HIF3A: variants seen among roughly 807,000 people sequenced by gnomAD.
The protein encoded by HIF3A is hypoxia inducible factor 3 subunit alpha, also known as hypoxia-inducible factor 3-alpha.
HIF3A carries 41 observed loss-of-function variants against 67.2 expected under a neutral mutation model. The observed-to-expected ratio is 0.61, with a 90% confidence interval of 0.48 to 0.79. The LOEUF (loss-of-function observed/expected upper bound fraction) is 0.79, where lower values mean the gene tolerates loss of function less well. Ranked by LOEUF, HIF3A falls within the 30% of genes least tolerant of loss-of-function variation. The pLI is 0.00. For synonymous variants in HIF3A, 356 were observed against 374.8 expected (o/e 0.95, Z 0.58); for missense variants, 855 against 898.0 (o/e 0.95, Z 0.61).
Position 46,304,021 on chromosome 19 carries a change from C to T in HIF3A, c.150C>T (p.His50=). ...TLPFARGVSA[H]LDKASIMRLT... ...CCTTCGCCCGCGGCGTCAGCGCCCA[C>T]CTGGACAAGGCCTCTATCATGCGCC... The change falls in exon 2 of 15, where the codon CAC becomes CAT. Residue 50 remains histidine (H), a synonymous_variant. Transcript: ENST00000377670. 6.3e-7 allele frequency: 1 copy of T among 1,593,194 alleles called. No homozygotes were observed. The highest frequency in any genetic ancestry group is 8.5e-7 in the Non-Finnish European group (1 of 1,170,666).
chr19:46,303,753 C>T, intron 1 of HIF3A, 145 bp from the exon 2 acceptor site: 3 of 1,512,164 alleles, frequency 2.0e-6, no homozygotes, highest in Non-Finnish European at 2.7e-6. Context: ...GCCGCGAACT[C>T]GACAGGGCCA....
intron 3 of HIF3A, among the ~76,000 whole-genome samples, chr19:46,307,883 G>A (rs1391933897): frequency 6.6e-6 from 1 of 152,064 alleles, no homozygotes; most frequent in Non-Finnish European, 1.5e-5. Context: ...TCATGATCGC[G>A]CCACTGCCCC....
At chr19:46,322,953 A>C (rs1214672624) in intron 10 of HIF3A, among the ~76,000 whole-genome samples, 6 of 152,152 alleles carry the variant, frequency 3.9e-5, no homozygotes, top group African/African-American at 1.4e-4. Context: ...AAGCCCCTCC[A>C]ACCCAGTCCT....
intron 14 of HIF3A, 141 bp from the exon 15 acceptor site, chr19:46,339,384 A>G: frequency 3.5e-6 from 2 of 576,314 alleles, no homozygotes; most frequent in East Asian, 3.3e-5. Flanking sequence ...GCGCAAAAGT[A>G]AAATTACTAA....
At chr19:46,304,328 C>T (rs1233898643) in intron 2 of HIF3A, 3 of 576,732 alleles carry the variant, frequency 5.2e-6, no homozygotes, top group Non-Finnish European at 9.3e-6. Context: ...CTTGTGAGGC[C>T]CCGCCCCTGG....
intron 8 of HIF3A, among the ~76,000 whole-genome samples, chr19:46,319,645 TA>T (rs1302212710): frequency 5.9e-5 from 9 of 152,216 alleles, no homozygotes; most frequent in Non-Finnish European, 1.3e-4. Context: ...AAGACTATGT[TA>T]AAAATATATT....
intron 8 of HIF3A, among the ~76,000 whole-genome samples, chr19:46,317,903 A>G (rs1037697696): frequency 3.3e-5 from 5 of 151,882 alleles, no homozygotes; most frequent in Admixed American, 6.6e-5. Flanking sequence ...CGGTGGCACA[A>G]CCTCAGCTCA....
chr19:46,300,987 G>A (rs1032103030), intron 1 of HIF3A, among the ~76,000 whole-genome samples: 3 of 151,940 alleles, frequency 2.0e-5, no homozygotes, highest in East Asian at 1.9e-4. Context: ...CCTGTTCCCT[G>A]TCGGGCCCCC....
Position 46,340,508 on chromosome 19 carries a change from CTTT to C in HIF3A, c.*896_*898del, listed in dbSNP as rs1332468893. 4 of 148,406 alleles carry C rather than the reference CTTT, an allele frequency of 2.7e-5. No homozygotes were observed. Among genetic ancestry groups the C allele is most frequent in the Non-Finnish European group, 5.9e-5 (4 of 67,352 alleles). 9.2% of individuals were successfully genotyped at this position (148,406 alleles called of 1,614,324 possible). ...TCCTGCTCCTCTTCCTCTTCTTCTT[CTTT>C]TTTTTTTTTGACAGAGTCTTGCTCT... is the stretch of plus-strand genomic sequence containing the variant. On this transcript the variant is annotated 3_prime_UTR_variant, in exon 15 of 15. Coordinates refer to ENST00000377670, the MANE Select transcript of HIF3A (RefSeq NM_152795.4).
intron 8 of HIF3A, chr19:46,320,217 G>A (rs1970256045): frequency 4.3e-6 from 2 of 470,290 alleles, no homozygotes; most frequent in South Asian, 2.7e-5. Flanking sequence ...GCGACAGAGT[G>A]AGACCTTGTC....
intron 8 of HIF3A, among the ~76,000 whole-genome samples, chr19:46,318,548 C>CAAAAAAAAA (rs908312286): frequency 3.7e-5 from 2 of 54,082 alleles, no homozygotes; most frequent in Admixed American, 2.5e-4. Context: ...GATCCTGTCT[C>CAAAAAAAAA]AAAAAAAAAA....
At chr19:46,318,205 T>C (rs1970068419) in intron 8 of HIF3A, among the ~76,000 whole-genome samples, 1 of 82,178 alleles carries the variant, frequency 1.2e-5, no homozygotes, top group East Asian at 4.2e-4. Flanking sequence ...CATATGTCAT[T>C]TGGAATTTTT....
In HIF3A at chr19:46,316,937, T is replaced by C. The variant is rs1378327895; in HGVS notation, c.1026-3506T>C. Among the ~76,000 whole-genome samples the C allele has an allele frequency of 1.1e-4, 17 of 152,116 alleles. 1 individual carries two copies. Among genetic ancestry groups the C allele is most frequent in the Admixed American group, 1.1e-3 (17 of 15,260 alleles). On this transcript the variant is annotated intron_variant, in intron 8 of 14. Transcript: ENST00000377670. ...ATGTTCTGAAATACAAATCAACATA[T>C]ACATATGTATATAAATTTTTTTTGA...
At position 46,297,164 on chromosome 19, in the gene HIF3A, A is replaced by T; in HGVS notation, c.26+62A>T. On this transcript the variant is annotated intron_variant, in intron 1 of 14. Transcript: ENST00000377670. This position sits in a 1 kb window ranked among gnomAD's most constrained non-coding sequence, Gnocchi z 4.5. ...GGGGCTCTCCTCCTGGAGACCCCTG[A>T]GCTGGATTGTTGGGGGGGGTGGGGT... The T allele has an allele frequency of 2.7e-5, 8 of 299,640 alleles. No individual in the cohort carries two copies. The highest frequency in any genetic ancestry group is 4.7e-5 in the Non-Finnish European group (8 of 169,554). 18.6% of individuals were successfully genotyped at this position (299,640 alleles called of 1,614,324 possible). A position where few individuals can be genotyped will look rare whatever the true frequency, so the allele number is the denominator to read the frequency against.
chr19:46,300,867 G>A (rs1012645444), intron 1 of HIF3A, among the ~76,000 whole-genome samples: 1 of 152,136 alleles, frequency 6.6e-6, no homozygotes, highest in African/African-American at 2.4e-5. Context: ...TCCCTCCGCA[G>A]CCACCAGCTG....
At chr19:46,325,410 AC>A (rs201228399) in intron 10 of HIF3A, 124 bp from the exon 11 acceptor site, 10,182 of 682,078 alleles carry the variant, frequency 0.015, 158 homozygotes, top group Non-Finnish European at 0.015. Context: ...TTGCCGTTGG[AC>A]CCCCTTTGTG....
At position 46,312,491 on chromosome 19, in the gene HIF3A, G is replaced by A. The variant is rs758488027; in HGVS notation, c.878-15G>A. ...CCCCTTGGTGGCCCTGATCCCTCCC[G>A]ATCCCCCTCCTCAGTGCTGAGCAAG... On this transcript the variant is annotated splice_polypyrimidine_tract_variant and intron_variant, in intron 7 of 14. Coordinates refer to ENST00000377670, the MANE Select transcript of HIF3A (RefSeq NM_152795.4). 2.0e-5 allele frequency: 33 copies of A among 1,613,178 alleles called. No homozygotes were observed. The Admixed American group carries it at 2.2e-4, about 11-fold the overall frequency.
rs535762044 is a variant in HIF3A, at chr19:46,333,456, G to A, written c.1831-1449G>A. Among the ~76,000 whole-genome samples, 382 of 152,216 alleles carry A rather than the reference G, an allele frequency of 2.5e-3. 5 individuals carry two copies. The highest frequency in any genetic ancestry group is 7.5e-4 in the Non-Finnish European group (51 of 68,022). On this transcript the variant is annotated intron_variant, in intron 13 of 14. Transcript: ENST00000377670. Reference sequence around the variant, plus strand: ...ATGAGGGCTGAAACCTTCCATGGAGGGACACCGCCAACTCACAGAGAAGAA... The same window carrying A: ...ATGAGGGCTGAAACCTTCCATGGAGAGACACCGCCAACTCACAGAGAAGAA...
intron 8 of HIF3A, 65 bp from the exon 9 acceptor site, chr19:46,320,378 G>A: frequency 2.3e-6 from 3 of 1,304,954 alleles, no homozygotes; most frequent in South Asian, 2.5e-5. Context: ...CACCTGAACA[G>A]GCTTTCTGGG....
Sources: allele counts gnomAD v4.1 joint callset (sites outside exome capture counted in the v4.1 genomes callset), GRCh38; gene constraint gnomAD v4.1.1; non-coding constraint Gnocchi (gnomAD v3.1); transcripts MANE v1.5; gene names NCBI Gene and HGNC (gene_info 2026-07-23, HGNC 2026-07-21).